The following CNTN5 variants were observed in gnomAD, a reference collection of about 807,000 sequenced individuals.
CNTN5 encodes the protein contactin-5.
In CNTN5, 77 loss-of-function variants were observed where a neutral mutation model predicts 129.1. The ratio of observed to expected loss-of-function variants is 0.60; its 90% CI spans 0.50 to 0.72. The LOEUF (loss-of-function observed/expected upper bound fraction) is 0.72, where lower values mean the gene tolerates loss of function less well. Ranked by LOEUF, CNTN5 falls within the 30% of genes least tolerant of loss-of-function variation. The probability of loss-of-function intolerance (pLI) is 0.00; values close to 1 mark genes in which losing one functional copy is unlikely to be tolerated. For missense variants in CNTN5, 1,478 were observed against 1,328.8 expected (o/e 1.11, Z -1.75); for synonymous variants, 509 against 465.6 (o/e 1.09, Z -1.20).
chr11:99,699,436 C>T (rs2134856388), intron 3 of CNTN5, among the ~76,000 whole-genome samples: 1 of 151,536 alleles, frequency 6.6e-6, no homozygotes, highest in East Asian at 1.9e-4. Context: ...TCAAATTTCT[C>T]TTCAAATATT....
At chr11:99,598,818 T>A (rs907835049) in intron 3 of CNTN5, among the ~76,000 whole-genome samples, 1 of 152,036 alleles carries the variant, frequency 6.6e-6, no homozygotes, top group African/African-American at 2.4e-5. Context: ...AGGGAATAAT[T>A]TATATTTTAA....
intron 21 of CNTN5, among the ~76,000 whole-genome samples, chr11:100,326,637 A>C (rs1951792826): frequency 6.6e-6 from 1 of 152,226 alleles, no homozygotes; most frequent in Non-Finnish European, 1.5e-5. Context: ...CTGTTTATTC[A>C]GTAAGACAAA....
At chr11:99,514,702 T>C (rs1946977907) in intron 2 of CNTN5, among the ~76,000 whole-genome samples, 2 of 152,102 alleles carry the variant, frequency 1.3e-5, no homozygotes, top group South Asian at 4.1e-4. Context: ...TTTTACCTAA[T>C]GCTATTGCAC....
intron 3 of CNTN5, among the ~76,000 whole-genome samples, chr11:99,640,893 C>G (rs1226627876): frequency 6.6e-6 from 1 of 152,218 alleles, no homozygotes; most frequent in Non-Finnish European, 1.5e-5. Context: ...TGTAAAAACA[C>G]AACTCTTGTT....
intron 9 of CNTN5, among the ~76,000 whole-genome samples, chr11:100,037,363 G>A (rs1441565411): frequency 6.6e-6 from 1 of 151,792 alleles, no homozygotes; most frequent in Non-Finnish European, 1.5e-5. Flanking sequence ...TGCTGGATTT[G>A]GTTTGCCAGT....
At chr11:99,299,784 AT>A (rs1864547329) in intron 1 of CNTN5, among the ~76,000 whole-genome samples, 1 of 152,072 alleles carries the variant, frequency 6.6e-6, no homozygotes, top group Admixed American at 6.5e-5. Context: ...TGTGTTTCAC[AT>A]TTTTTTAATC....
At chr11:100,146,206 CTG>C (rs1946847331) in intron 13 of CNTN5, among the ~76,000 whole-genome samples, 1 of 152,044 alleles carries the variant, frequency 6.6e-6, no homozygotes, top group Non-Finnish European at 1.5e-5. Context: ...TTAAGGGTGA[CTG>C]TATTACAATT....
At chr11:99,885,532 A>G (rs762742008) in intron 6 of CNTN5, among the ~76,000 whole-genome samples, 4 of 152,204 alleles carry the variant, frequency 2.6e-5, no homozygotes, top group Non-Finnish European at 4.4e-5. Context: ...AGAGTTTACA[A>G]CCAATAATTA....
chr11:100,012,621 G>A (rs886526952), intron 9 of CNTN5, among the ~76,000 whole-genome samples: 3 of 152,112 alleles, frequency 2.0e-5, no homozygotes, highest in African/African-American at 7.2e-5. Flanking sequence ...ACATGTGCAA[G>A]GCCAAACAGC....
At chr11:99,937,562 T>C (rs183253449) in intron 7 of CNTN5, among the ~76,000 whole-genome samples, 2 of 152,330 alleles carry the variant, frequency 1.3e-5, no homozygotes, top group East Asian at 1.9e-4. Flanking sequence ...GTTCAGGTTA[T>C]GTCAACAAGG....
chr11:99,279,856 G>T (rs1468298237), intron 1 of CNTN5, among the ~76,000 whole-genome samples: 1 of 151,552 alleles, frequency 6.6e-6, no homozygotes, highest in Non-Finnish European at 1.5e-5. Context: ...AGTAATTACA[G>T]GTGGCTCGGT....
chr11:100,255,353 G>A (rs561426212), intron 16 of CNTN5, among the ~76,000 whole-genome samples: 34 of 147,136 alleles, frequency 2.3e-4, no homozygotes, highest in Middle Eastern at 3.5e-3. Context: ...GCCACTTGTA[G>A]TATTTTAGTA....
chr11:99,741,629 G>T (rs1482746493), intron 3 of CNTN5, among the ~76,000 whole-genome samples: 1 of 152,056 alleles, frequency 6.6e-6, no homozygotes, highest in Non-Finnish European at 1.5e-5. Flanking sequence ...TAACCACTAG[G>T]AGACAAGTTT....
chr11:100,223,012 A>G (rs1235154389), intron 15 of CNTN5, among the ~76,000 whole-genome samples: 1 of 152,196 alleles, frequency 6.6e-6, no homozygotes, highest in Non-Finnish European at 1.5e-5. Context: ...AAAAAAATCA[A>G]AGGTTTTAAA....
In CNTN5 at chr11:99,287,220, A is replaced by G. The variant is rs148580132; in HGVS notation, c.-209-38126A>G. Among the ~76,000 whole-genome samples, 516 of 152,244 alleles carry G rather than the reference A, an allele frequency of 3.4e-3. 1 individual carries two copies. The highest frequency in any genetic ancestry group is 0.012 in the African/African-American group (495 of 41,576). On this transcript the variant is annotated intron_variant, in intron 1 of 24. Transcript: ENST00000524871. ...TTGAACTTGTTGACATTCATATTTC[A>G]TTTCATTTTATCCTTTCAATTAGGA...
intron 18 of CNTN5, among the ~76,000 whole-genome samples, chr11:100,296,381 G>A (rs1317071350): frequency 6.6e-6 from 1 of 151,190 alleles, no homozygotes; most frequent in Non-Finnish European, 1.5e-5. Context: ...TTTCTTGAAT[G>A]AGAGAAAAAA....
In CNTN5 at chr11:99,568,948, C is replaced by T. The variant is rs1001444189; in HGVS notation, c.55+12679C>T. ...AAAGAACATTTTCCATTCTAATTTT[C>T]GTTATAGCTTTCACACTGAAATTTG... On this transcript the variant is annotated intron_variant, in intron 3 of 24. Transcript: ENST00000524871. Among the ~76,000 whole-genome samples, 6 of 152,154 alleles carry T rather than the reference C, an allele frequency of 3.9e-5. No homozygotes were observed. The East Asian group carries it at 7.7e-4, about 20-fold the overall frequency.
intron 21 of CNTN5, among the ~76,000 whole-genome samples, chr11:100,339,095 G>A (rs1442251826): frequency 2.0e-5 from 3 of 152,092 alleles, no homozygotes; most frequent in Admixed American, 6.5e-5. Flanking sequence ...AACCCCAGAG[G>A]ATGGGTTACA....
intron 3 of CNTN5, among the ~76,000 whole-genome samples, chr11:99,615,136 AG>A (rs1950721226): frequency 6.6e-6 from 1 of 150,498 alleles, no homozygotes; most frequent in Non-Finnish European, 1.5e-5. Context: ...GCCGAGGAAG[AG>A]TGAATAAGAA....
Sources: gnomAD v4.1 joint callset for allele counts (sites outside exome capture counted in the v4.1 genomes callset) on GRCh38, gnomAD v4.1.1 for gene constraint, MANE v1.5 for transcripts, NCBI Gene and HGNC (gene_info 2026-07-23, HGNC 2026-07-21) for gene names.